The following NEDD4L variants were observed in gnomAD, a reference collection of about 807,000 sequenced individuals.
NEDD4L encodes the protein NEDD4 like E3 ubiquitin protein ligase.
Under a neutral mutation model 148.9 loss-of-function variants are expected in NEDD4L, and 54 were observed. That is an observed-to-expected ratio of 0.36 (90% confidence interval 0.29 to 0.45). The LOEUF is 0.45. NEDD4L is among the 20% of genes least tolerant of loss of function. The pLI, the probability that NEDD4L is intolerant of heterozygous loss-of-function variation, is 1.00. For synonymous variants in NEDD4L, 433 were observed against 440.7 expected (o/e 0.98, Z 0.22); for missense variants, 856 against 1,233.8 (o/e 0.69, Z 4.59).
At chr18:58,239,793 C>A (rs939444791) in intron 2 of NEDD4L, among the ~76,000 whole-genome samples, 4 of 152,184 alleles carry the variant, frequency 2.6e-5, no homozygotes, top group Admixed American at 2.0e-4. Flanking sequence ...TGGAACAAGA[C>A]CCTTGAATAA....
chr18:58,275,738 C>T (rs2051820083), intron 5 of NEDD4L, among the ~76,000 whole-genome samples: 1 of 152,104 alleles, frequency 6.6e-6, no homozygotes, highest in African/African-American at 2.4e-5. Context: ...CACCTGTTAC[C>T]CAACGGAGAT....
chr18:58,218,943 G>A (rs922026404), intron 2 of NEDD4L, among the ~76,000 whole-genome samples: 23 of 152,200 alleles, frequency 1.5e-4, no homozygotes, highest in Admixed American at 5.9e-4. Flanking sequence ...TGGAGCTGGT[G>A]TGAGGGTTGA....
chr18:58,353,435 A>G (rs755319143), intron 18 of NEDD4L, among the ~76,000 whole-genome samples: 2 of 152,266 alleles, frequency 1.3e-5, no homozygotes, highest in African/African-American at 2.4e-5. Flanking sequence ...TTAAAGAGAT[A>G]TAGCATAAAT....
At chr18:58,272,616 C>T (rs1205183707) in intron 5 of NEDD4L, among the ~76,000 whole-genome samples, 4 of 150,368 alleles carry the variant, frequency 2.7e-5, no homozygotes, top group Middle Eastern at 3.4e-3. Flanking sequence ...GGTGACAGAG[C>T]GAGACCCTGT....
chr18:58,185,998 G>A (rs1437116599), intron 2 of NEDD4L, among the ~76,000 whole-genome samples: 1 of 151,842 alleles, frequency 6.6e-6, no homozygotes, highest in Non-Finnish European at 1.5e-5. Context: ...GTACAGAGAA[G>A]GATGCAACAG....
At chr18:58,250,384 G>A (rs770787020) in intron 4 of NEDD4L, among the ~76,000 whole-genome samples, 4 of 152,070 alleles carry the variant, frequency 2.6e-5, no homozygotes, top group South Asian at 2.1e-4. Flanking sequence ...TCCTGACCTC[G>A]TGATCTGCCC....
intron 5 of NEDD4L, among the ~76,000 whole-genome samples, chr18:58,278,352 G>A (rs1272407490): frequency 6.6e-6 from 1 of 152,112 alleles, no homozygotes; most frequent in African/African-American, 2.4e-5. Context: ...TGGCGTCCAG[G>A]CCCTGCCCCT....
rs78226140 is a variant in NEDD4L, at chr18:58,158,677, G to A, written c.49-7111G>A. Among the ~76,000 whole-genome samples, 1,349 of 152,298 alleles carry A rather than the reference G, an allele frequency of 8.9e-3. 14 individuals carry two copies. The highest frequency in any genetic ancestry group is 0.031 in the African/African-American group (1,268 of 41,566). On this transcript the variant is annotated intron_variant, in intron 1 of 30. Transcript: ENST00000400345. ...CATTGTAGAATTGAAACTTGACCAC[G>A]TGTTATGTGTTGGGCTGCCAGTGGT... is the stretch of plus-strand genomic sequence containing the variant.
intron 12 of NEDD4L, 29 bp downstream of exon 12, chr18:58,333,921 T>C (rs1394677620): frequency 6.5e-7 from 1 of 1,540,402 alleles, no homozygotes; most frequent in Admixed American, 1.8e-5. Flanking sequence ...CAGTCATCAG[T>C]TGACTTTTTG....
chr18:58,138,489 C>T (rs2033122673), intron 1 of NEDD4L, among the ~76,000 whole-genome samples: 1 of 151,790 alleles, frequency 6.6e-6, no homozygotes, highest in South Asian at 2.1e-4. Flanking sequence ...TTTTTGGATA[C>T]ATTACGAAGT....
At chr18:58,273,922 C>A (rs72951134) in intron 5 of NEDD4L, among the ~76,000 whole-genome samples, 1,961 of 152,228 alleles carry the variant, frequency 0.013, 30 homozygotes, top group South Asian at 0.037. Context: ...CCTTTTTATC[C>A]CTCTCCCATC....
intron 2 of NEDD4L, among the ~76,000 whole-genome samples, chr18:58,188,057 G>A (rs2039667153): frequency 6.6e-6 from 1 of 152,222 alleles, no homozygotes; most frequent in African/African-American, 2.4e-5. Context: ...TTGAACAAAA[G>A]CAGGACAGTG....
chr18:58,180,221 G>A (rs986141902), intron 2 of NEDD4L, among the ~76,000 whole-genome samples: 3 of 152,214 alleles, frequency 2.0e-5, no homozygotes, highest in African/African-American at 7.2e-5. Flanking sequence ...TCTGTGCCTT[G>A]CCGGTGCCCA....
At position 58,230,798 on chromosome 18, in the gene NEDD4L, A is replaced by G. The variant is rs139695038; in HGVS notation, c.123-14629A>G. On this transcript the variant is annotated intron_variant, in intron 2 of 30. Transcript: ENST00000400345. ...AACCCTGGGAAGAAGGTAACCTATC[A>G]TAGTGTGTGTTAAGAAGTCAAGCAA... 5.0e-4 allele frequency among the ~76,000 whole-genome samples: 76 copies of G among 152,350 alleles called. 1 individual carries two copies. The highest frequency in any genetic ancestry group is 1.7e-3 in the African/African-American group (71 of 41,572).
At chr18:58,202,161 A>T (rs1391191066) in intron 2 of NEDD4L, among the ~76,000 whole-genome samples, 1 of 152,136 alleles carries the variant, frequency 6.6e-6, no homozygotes, top group Non-Finnish European at 1.5e-5. Context: ...CAGGCCATAA[A>T]CCTTTCTTCC....
intron 24 of NEDD4L, among the ~76,000 whole-genome samples, chr18:58,379,262 C>T (rs1025728432): frequency 6.6e-6 from 1 of 152,210 alleles, no homozygotes; most frequent in African/African-American, 2.4e-5. Context: ...GGATTTCTGC[C>T]TCCGGGATGC....
At position 58,072,864 on chromosome 18, in the gene NEDD4L, GCGCGCGCGCACACA is replaced by G. The variant is rs1568175506; in HGVS notation, c.48+28158_48+28171del. On this transcript the variant is annotated intron_variant, in intron 1 of 30. Transcript: ENST00000400345. ...GTATATAGAAAATCCTAAGGCGCGC[GCGCGCGCGCACACA>G]CACACACACACACACACACACACAC... Among the ~76,000 whole-genome samples, 7 of 110,756 alleles carry G rather than the reference GCGCGCGCGCACACA, an allele frequency of 6.3e-5. No homozygotes were observed. In the East Asian group the frequency reaches 1.1e-3, roughly 18 times the overall value. 72.7% of individuals were successfully genotyped at this position (110,756 alleles called of 152,430 possible).
At chr18:58,329,505 C>T (rs2059614898) in intron 10 of NEDD4L, among the ~76,000 whole-genome samples, 1 of 151,936 alleles carries the variant, frequency 6.6e-6, no homozygotes, top group Admixed American at 6.6e-5. Flanking sequence ...TACAGGCACG[C>T]ATCACCACAC....
chr18:58,357,298 C>T lies in NEDD4L; in HGVS notation c.1767+46C>T, dbSNP rs145533400. The T allele has an allele frequency of 6.6e-4, 963 of 1,464,486 alleles. 8 individuals are homozygous for T. The African/African-American group carries it at 9.9e-3, about 15-fold the overall frequency. 90.7% of individuals were successfully genotyped at this position (1,464,486 alleles called of 1,614,324 possible). ...CCTCTTCAGTATAAGATTTTGGTTA[C>T]GTGTTTACGTGTTTCTTGTGTATTA... On this transcript the variant is annotated intron_variant, in intron 19 of 30. Coordinates refer to ENST00000400345, the MANE Select transcript of NEDD4L (RefSeq NM_001144967.3).
Sources: allele counts gnomAD v4.1 joint callset (sites outside exome capture counted in the v4.1 genomes callset), GRCh38; gene constraint gnomAD v4.1.1; transcripts MANE v1.5; gene names NCBI Gene and HGNC (gene_info 2026-07-23, HGNC 2026-07-21).